VPS4A: variants seen among roughly 807,000 people sequenced by gnomAD.
VPS4A encodes vacuolar protein sorting 4 homolog A.
Under a neutral mutation model 52.3 loss-of-function variants are expected in VPS4A, and 20 were observed. The ratio of observed to expected loss-of-function variants is 0.38; its 90% CI spans 0.27 to 0.56. The LOEUF (loss-of-function observed/expected upper bound fraction) is 0.56, where lower values mean the gene tolerates loss of function less well. Among genes scored for constraint, VPS4A ranks in the 20% least tolerant of loss-of-function variants. The pLI is 0.72. For synonymous variants in VPS4A, 293 were observed against 227.7 expected, an observed-to-expected ratio of 1.29 and a Z score of -2.58; for missense variants, 419 against 575.9, an observed-to-expected ratio of 0.73 and a Z score of 2.79.
intron 1 of VPS4A, among the ~76,000 whole-genome samples, chr16:69,312,864 C>T (rs778684392): frequency 3.9e-5 from 6 of 152,092 alleles, no homozygotes; most frequent in African/African-American, 1.4e-4. Flanking sequence ...CTGCCCACTT[C>T]GGCCTCCCAG....
intron 9 of VPS4A, chr16:69,322,148 A>G (rs541719756): frequency 4.8e-5 from 8 of 166,276 alleles, no homozygotes; most frequent in Non-Finnish European, 7.7e-5. Context: ...AGATCTCGTG[A>G]GACTTCACCA....
rs1965509747 is a variant in VPS4A, at chr16:69,321,388, C to A, written c.1071+118C>A. The stretch of plus-strand genomic sequence containing the variant: ...TGCTCAGGTGACACAGTCTCTGAGG[C>A]CTCCTGGAGAGCCGAGGGCCAGTGC... On this transcript the variant is annotated intron_variant, in intron 9 of 10. Coordinates refer to ENST00000254950, the MANE Select transcript of VPS4A (RefSeq NM_013245.3). This position sits in a 1 kb window ranked among gnomAD's most constrained non-coding sequence, Gnocchi z 4.5. 8.7e-7 allele frequency: 1 copy of A among 1,153,120 alleles called. No individual in the cohort carries two copies. The highest frequency in any genetic ancestry group is 1.2e-6 in the Non-Finnish European group (1 of 821,688). The allele number at this position is 1,153,120 out of a possible 1,614,324, so 71.4% of individuals were successfully genotyped here. A position where few individuals can be genotyped will look rare whatever the true frequency, so the allele number is the denominator to read the frequency against.
chr16:69,320,653 C>T lies in VPS4A; in HGVS notation c.770-35C>T. On this transcript the variant is annotated intron_variant, in intron 7 of 10. Transcript: ENST00000254950. The surrounding 1 kb of genome is among the most constrained non-coding windows in gnomAD (Gnocchi z 4.2). ...GGTTTCAACTGACCCGTGCAGGTGTCCAGAGTCTGAGTCTTTGTCTCCCTT... is the reference window on the plus strand; with the variant it reads ...GGTTTCAACTGACCCGTGCAGGTGTTCAGAGTCTGAGTCTTTGTCTCCCTT... The T allele has an allele frequency of 6.4e-7, 1 of 1,561,300 alleles. No individual in the cohort carries two copies. Among genetic ancestry groups the T allele is most frequent in the Non-Finnish European group, 8.7e-7 (1 of 1,149,512 alleles).
At chr16:69,314,103 C>A (rs1304095405) in intron 1 of VPS4A, among the ~76,000 whole-genome samples, 2 of 149,948 alleles carry the variant, frequency 1.3e-5, no homozygotes, top group Non-Finnish European at 3.0e-5. Context: ...GTAGCCGTAA[C>A]TACAGGCACG....
chr16:69,319,819 TG>T (rs2143261666), intron 6 of VPS4A, among the ~76,000 whole-genome samples: 1 of 152,262 alleles, frequency 6.6e-6, no homozygotes, highest in South Asian at 2.1e-4. Flanking sequence ...GGGCAGTGTG[TG>T]GGGGACATGG....
chr16:69,314,365 C>T (rs1279677859), intron 1 of VPS4A, among the ~76,000 whole-genome samples: 1 of 152,036 alleles, frequency 6.6e-6, no homozygotes, highest in African/African-American at 2.4e-5. Flanking sequence ...CAGTATTGTT[C>T]TAAGGATAGA....
chr16:69,321,541 T>C lies in VPS4A; in HGVS notation c.1071+271T>C, dbSNP rs1171042342. ...CTGCTGCGGCCTCCTCCGTCAGCAC[T>C]GTGTGCTCTTGTGCGGGGTGGACAC... is the stretch of plus-strand genomic sequence containing the variant. On this transcript the variant is annotated intron_variant, in intron 9 of 10. Coordinates refer to ENST00000254950, the MANE Select transcript of VPS4A (RefSeq NM_013245.3). This position sits in a 1 kb window ranked among gnomAD's most constrained non-coding sequence, Gnocchi z 4.5. 9 of 490,520 alleles carry C rather than the reference T, an allele frequency of 1.8e-5. No homozygotes were observed. The East Asian group carries it at 2.9e-4, about 16-fold the overall frequency. The allele number at this position is 490,520 out of a possible 1,614,324, so 30.4% of individuals were successfully genotyped here.
chr16:69,317,510 T>C (rs764552280), intron 3 of VPS4A, among the ~76,000 whole-genome samples: 4 of 151,254 alleles, frequency 2.6e-5, no homozygotes, highest in East Asian at 1.9e-4. Flanking sequence ...TACAAAAAAA[T>C]AGGCCGGGCG....
chr16:69,317,435 A>G, intron 3 of VPS4A, among the ~76,000 whole-genome samples: 1 of 152,266 alleles, frequency 6.6e-6, no homozygotes, highest in East Asian at 1.9e-4. Flanking sequence ...ACGCGGGCAG[A>G]TCACTTGAGG....
In VPS4A at chr16:69,320,885, C is replaced by CA. The variant is rs1479245159; in HGVS notation, c.851+116_851+117insA. ...CCCCTTTTCCCTGGAGTCTTCCCGTCTGCCTGCCAAGCAGAGCCCTTTGTG... is the reference window on the plus strand; with the variant it reads ...CCCCTTTTCCCTGGAGTCTTCCCGTCATGCCTGCCAAGCAGAGCCCTTTGTG... On this transcript the variant is annotated intron_variant, in intron 8 of 10. Coordinates refer to ENST00000254950, the MANE Select transcript of VPS4A (RefSeq NM_013245.3). This position sits in a 1 kb window ranked among gnomAD's most constrained non-coding sequence, Gnocchi z 4.2. 5.6e-5 allele frequency: 71 copies of CA among 1,269,582 alleles called. No homozygotes were observed. The highest frequency in any genetic ancestry group is 7.6e-5 in the Non-Finnish European group (69 of 905,806). The allele number at this position is 1,269,582 out of a possible 1,614,324, so 78.6% of individuals were successfully genotyped here. A position where few individuals can be genotyped will look rare whatever the true frequency, so the allele number is the denominator to read the frequency against.
rs868279597 is a variant in VPS4A at position 69,325,447 on chromosome 16, C to T, written c.*1138C>T. The T allele has an allele frequency of 1.3e-5, 2 of 149,858 alleles. No individual in the cohort carries two copies. Among genetic ancestry groups the T allele is most frequent in the African/African-American group, 5.0e-5 (2 of 40,290 alleles). The allele number at this position is 149,858 out of a possible 1,614,324, so 9.3% of individuals were successfully genotyped here. ...CTTTGGGCCGCTAACATTTAAAAGT[C>T]GAGAGTTGCTGGGCGCGGTGGCTCA... On this transcript the variant is annotated 3_prime_UTR_variant, in exon 11 of 11. Transcript: ENST00000254950.
At position 69,319,388 on chromosome 16, in the gene VPS4A, C is replaced by G; in HGVS notation, c.465C>G (p.Gly155=). The G allele has an allele frequency of 6.2e-7, 1 of 1,613,732 alleles. No homozygotes were observed. The highest frequency in any genetic ancestry group is 8.5e-7 in the Non-Finnish European group (1 of 1,179,706). Residue 155 remains glycine, a splice_region_variant and synonymous_variant, in exon 6 of 11, where the codon GGC becomes GGG. Transcript: ENST00000254950. ...AACTTCTGTGGTTCTCTGTTGCAGG[C>G]AAGCGCACCCCCTGGCGGGGGATTC... The part of the protein sequence containing the change: ...LPIKFPHLFT[G]KRTPWRGILL...
chr16:69,321,324 C>A lies in VPS4A; in HGVS notation c.1071+54C>A. ...AATCTCATAGTAAGAGCGGGATGTT[C>A]GGTTTTTTTTTTCCCAGCTCCTGGT... On this transcript the variant is annotated intron_variant, in intron 9 of 10. Transcript: ENST00000254950. The surrounding 1 kb of genome is among the most constrained non-coding windows in gnomAD (Gnocchi z 4.5). 3 of 1,487,866 alleles carry A rather than the reference C, an allele frequency of 2.0e-6. No homozygotes were observed. Among genetic ancestry groups the A allele is most frequent in the Admixed American group, 2.0e-5 (1 of 49,078 alleles). The allele number at this position is 1,487,866 out of a possible 1,614,324, so 92.2% of individuals were successfully genotyped here. A position where few individuals can be genotyped will look rare whatever the true frequency, so the allele number is the denominator to read the frequency against.
Position 69,324,221 on chromosome 16 carries a change from G to A in VPS4A, c.1226G>A (p.Arg409Gln), listed in dbSNP as rs1201479350. 1.9e-6 allele frequency: 3 copies of A among 1,613,380 alleles called. No homozygotes were observed. Among genetic ancestry groups the A allele is most frequent in the Non-Finnish European group, 2.5e-6 (3 of 1,179,774 alleles). Residue 409 changes from arginine to glutamine, a missense_variant, in exon 11 of 11, where the codon CGG (arginine) becomes CAG (glutamine). Transcript: ENST00000254950. ...EPVVCMSDML[R>Q]SLATTRPTVN... ...TTGCCTTCACAGTCGGACATGCTGCGGTCTCTGGCCACCACCCGGCCCACG... is the reference window on the plus strand; with the variant it reads ...TTGCCTTCACAGTCGGACATGCTGCAGTCTCTGGCCACCACCCGGCCCACG...
At position 69,316,131 on chromosome 16, in the gene VPS4A, G is replaced by A. The variant is rs750332119; in HGVS notation, c.133+12G>A. ...CCACGCTATCAAGTGTGAGTCACAC[G>A]AGGGGTCCTCAGGCTGCCGCACTCC... is the stretch of plus-strand genomic sequence containing the variant. On this transcript the variant is annotated intron_variant, in intron 2 of 10. Coordinates refer to ENST00000254950, the MANE Select transcript of VPS4A (RefSeq NM_013245.3). 15 of 1,613,062 alleles carry A rather than the reference G, an allele frequency of 9.3e-6. No individual in the cohort carries two copies. Among genetic ancestry groups the A allele is most frequent in the Non-Finnish European group, 1.1e-5 (13 of 1,179,784 alleles).
chr16:69,323,334 T>C (rs115253649), intron 10 of VPS4A: 188 of 204,480 alleles, frequency 9.2e-4, no homozygotes, highest in African/African-American at 3.7e-3. Flanking sequence ...CTTTTTTTTT[T>C]AGAAACGGCC....
chr16:69,316,402 C>G, intron 3 of VPS4A, 30 bp downstream of exon 3: 1 of 1,610,266 alleles, frequency 6.2e-7, no homozygotes, highest in Non-Finnish European at 8.5e-7. Context: ...GCCCAGGAAC[C>G]TGGGCCCTCC....
At position 69,321,559 on chromosome 16, in the gene VPS4A, G is replaced by A. The variant is rs1965512421; in HGVS notation, c.1071+289G>A. ...TCAGCACTGTGTGCTCTTGTGCGGG[G>A]TGGACACCAAATCAGTGTTTGGAAA... On this transcript the variant is annotated intron_variant, in intron 9 of 10. Coordinates refer to ENST00000254950, the MANE Select transcript of VPS4A (RefSeq NM_013245.3). This position sits in a 1 kb window ranked among gnomAD's most constrained non-coding sequence, Gnocchi z 4.5. 7 of 453,080 alleles carry A rather than the reference G, an allele frequency of 1.5e-5. No homozygotes were observed. The highest frequency in any genetic ancestry group is 2.8e-5 in the Non-Finnish European group (7 of 247,388). The allele number at this position is 453,080 out of a possible 1,614,324, so 28.1% of individuals were successfully genotyped here. A position where few individuals can be genotyped will look rare whatever the true frequency, so the allele number is the denominator to read the frequency against.
chr16:69,321,497 C>T lies in VPS4A; in HGVS notation c.1071+227C>T. On this transcript the variant is annotated intron_variant, in intron 9 of 10. Coordinates refer to ENST00000254950, the MANE Select transcript of VPS4A (RefSeq NM_013245.3). The surrounding 1 kb of genome is among the most constrained non-coding windows in gnomAD (Gnocchi z 4.5). ...GGGTGTGTGAAAGCAGAGGACAGGG[C>T]CACTTTACTGTCTTAACCCTGCTGC... The T allele has an allele frequency of 3.4e-6, 2 of 585,116 alleles. No homozygotes were observed. Among genetic ancestry groups the T allele is most frequent in the South Asian group, 4.0e-5 (2 of 49,824 alleles). 36.2% of individuals were successfully genotyped at this position (585,116 alleles called of 1,614,324 possible). A position where few individuals can be genotyped will look rare whatever the true frequency, so the allele number is the denominator to read the frequency against.
Sources: gnomAD v4.1 joint callset for allele counts (sites outside exome capture counted in the v4.1 genomes callset) on GRCh38, gnomAD v4.1.1 for gene constraint, Gnocchi (gnomAD v3.1) non-coding constraint, MANE v1.5 for transcripts, NCBI Gene and HGNC (gene_info 2026-07-23, HGNC 2026-07-21) for gene names.